Variants in PRSS38 observed in about 807,000 individuals in gnomAD.
PRSS38 encodes the protein serine protease 38, also known as marapsin 2.
In PRSS38, 22 loss-of-function variants were observed where a neutral mutation model predicts 26.8. That is an observed-to-expected ratio of 0.82 (90% CI 0.59 to 1.17). The LOEUF is 1.17. Among genes scored for constraint, PRSS38 ranks in the 50% most tolerant of loss-of-function variants. The pLI is 0.00. For missense variants in PRSS38, 427 were observed against 422.7 expected, an observed-to-expected ratio of 1.01 and a Z score of -0.09; for synonymous variants, 175 against 172.1, an observed-to-expected ratio of 1.02 and a Z score of -0.13.
In PRSS38 at chr1:227,845,556, A is replaced by G. The variant is rs754969323; in HGVS notation, c.670A>G (p.Ile224Val). 2.5e-6 allele frequency: 4 copies of G among 1,613,758 alleles called. No homozygotes were observed. Among genetic ancestry groups the G allele is most frequent in the Non-Finnish European group, 3.4e-6 (4 of 1,179,778 alleles). ...CCTGCTCTACGGACACATGTCCTAC[A>G]TCATGCCCGACATGCTGTGTGCTGG... Residue 224 changes from isoleucine to valine, a missense_variant, in exon 4 of 5, where the codon ATC becomes GTC. Ile to Val is a conservative substitution (Grantham distance 29). Coordinates refer to ENST00000366757, the Ensembl canonical transcript of PRSS38.
chr1:227,838,619 G>A (rs1489827941), intron 3 of PRSS38, among the ~76,000 whole-genome samples: 1 of 152,170 alleles, frequency 6.6e-6, no homozygotes, highest in Non-Finnish European at 1.5e-5. Context: ...TCTTAAGCAG[G>A]CTTTGAAAAA....
intron 3 of PRSS38, among the ~76,000 whole-genome samples, chr1:227,823,307 T>C (rs752405746): frequency 1.3e-5 from 2 of 151,546 alleles, no homozygotes; most frequent in Admixed American, 1.3e-4. Flanking sequence ...GTGTATGATA[T>C]ATATTATTTA....
At chr1:227,846,378 A>C (rs1362755491) in exon 5 of PRSS38, 11 of 843,548 alleles carry the variant, frequency 1.3e-5, no homozygotes, top group Admixed American at 2.9e-5. Flanking sequence ...ACAAAAGAAA[A>C]AAGGGAAGGG....
Position 227,816,038 on chromosome 1 carries a change from C to T in PRSS38, c.149-52C>T. The T allele has an allele frequency of 6.4e-7, 1 of 1,566,326 alleles. No homozygotes were observed. The highest frequency in any genetic ancestry group is 8.7e-7 in the Non-Finnish European group (1 of 1,150,464). Reference sequence around the variant, plus strand: ...TCCCCCACGTCCCCTGCCTGCCCTACCTCTCCCGTGGCCCCAGCATGGCTC... The same window carrying T: ...TCCCCCACGTCCCCTGCCTGCCCTATCTCTCCCGTGGCCCCAGCATGGCTC... On this transcript the variant is annotated intron_variant, in intron 1 of 4. Transcript: ENST00000366757. This position sits in a 1 kb window ranked among gnomAD's most constrained non-coding sequence, Gnocchi z 5.1.
chr1:227,831,784 A>C (rs1347862219), intron 3 of PRSS38, among the ~76,000 whole-genome samples: 5 of 152,142 alleles, frequency 3.3e-5, no homozygotes, highest in African/African-American at 1.2e-4. Context: ...GCTGGGTGGC[A>C]GAGGTTGCAG....
intron 3 of PRSS38, among the ~76,000 whole-genome samples, chr1:227,820,089 C>CAAAAA (rs61564441): frequency 5.8e-4 from 25 of 42,762 alleles, no homozygotes; most frequent in East Asian, 1.5e-3. Context: ...AACTCCATCT[C>CAAAAA]AAAAAAAAAA....
chr1:227,840,896 C>T (rs1665327336), intron 3 of PRSS38, among the ~76,000 whole-genome samples: 1 of 152,238 alleles, frequency 6.6e-6, no homozygotes, highest in South Asian at 2.1e-4. Flanking sequence ...AAGCCACCAT[C>T]TTCCCGACCT....
At chr1:227,839,342 T>C (rs1362613397) in intron 3 of PRSS38, among the ~76,000 whole-genome samples, 1 of 151,900 alleles carries the variant, frequency 6.6e-6, no homozygotes. Context: ...TGGAGGTGCA[T>C]ACCTGTAGTC....
chr1:227,834,987 C>CA (rs1410356684), intron 3 of PRSS38, among the ~76,000 whole-genome samples: 1 of 152,128 alleles, frequency 6.6e-6, no homozygotes. Context: ...TACAACTCAA[C>CA]AAAAAGCAAG....
intron 3 of PRSS38, among the ~76,000 whole-genome samples, chr1:227,828,877 C>A (rs1214007131): frequency 6.6e-6 from 1 of 152,142 alleles, no homozygotes; most frequent in Non-Finnish European, 1.5e-5. Context: ...CTCCACACAG[C>A]TCTGTGTAGA....
At chr1:227,838,710 T>C (rs1383043468) in intron 3 of PRSS38, among the ~76,000 whole-genome samples, 1 of 152,272 alleles carries the variant, frequency 6.6e-6, no homozygotes, top group Admixed American at 6.5e-5. Flanking sequence ...TTTTGTTTGC[T>C]TTGAGCAAGT....
intron 3 of PRSS38, among the ~76,000 whole-genome samples, chr1:227,840,981 C>G (rs958531950): frequency 6.6e-6 from 1 of 152,214 alleles, no homozygotes; most frequent in Non-Finnish European, 1.5e-5. Flanking sequence ...AAAACCAAGA[C>G]GACGTTTTTG....
intron 3 of PRSS38, 33 bp downstream of exon 3, chr1:227,817,513 A>T: frequency 6.2e-7 from 1 of 1,602,642 alleles, no homozygotes; most frequent in South Asian, 1.1e-5. Context: ...TGTGGGCAGG[A>T]TGAAGGCTTC....
chr1:227,845,607 T>C (rs931900776), exon 4 of PRSS38: 1 of 1,613,066 alleles, frequency 6.2e-7, no homozygotes, highest in African/African-American at 1.3e-5. Flanking sequence ...TAAGACCGTG[T>C]GTGAGGTGTG....
intron 3 of PRSS38, among the ~76,000 whole-genome samples, chr1:227,830,665 T>TTAG (rs1327325351): frequency 4.0e-5 from 6 of 151,282 alleles, no homozygotes; most frequent in African/African-American, 1.5e-4. Flanking sequence ...CTAATTTTTA[T>TTAG]TATTATTATT....
intron 3 of PRSS38, among the ~76,000 whole-genome samples, chr1:227,838,118 A>C (rs1468009873): frequency 6.6e-6 from 1 of 152,158 alleles, no homozygotes; most frequent in Non-Finnish European, 1.5e-5. Context: ...GATGAAGTCC[A>C]ATTTATTTTT....
At chr1:227,845,973 T>C (rs1348505689) in exon 5 of PRSS38, 4 of 1,614,046 alleles carry the variant, frequency 2.5e-6, no homozygotes, top group Admixed American at 1.7e-5. Flanking sequence ...GGGGGCCCAC[T>C]TGTCTGTGAA....
intron 4 of PRSS38, 63 bp downstream of exon 4, chr1:227,845,675 GACCC>G: frequency 6.4e-7 from 1 of 1,563,044 alleles, no homozygotes; most frequent in Non-Finnish European, 8.7e-7. Flanking sequence ...GACCCCACAG[GACCC>G]CACTCTGGCC....
chr1:227,817,339 G>A lies in PRSS38; in HGVS notation c.442G>A (p.Gly148Arg), dbSNP rs140162269. Residue 148 changes from glycine to arginine, a missense_variant, in exon 3 of 5, where the codon GGA (glycine) becomes AGA (arginine). Physicochemically the swap from Gly to Arg is moderately radical, Grantham distance 125. Transcript: ENST00000366757. ...CACATATGAGATGTACCACCCCATC[G>A]GAGGTGACGTGGCCCTGGTGCAGCT... The A allele has an allele frequency of 5.2e-5, 84 of 1,614,170 alleles. No homozygotes were observed. In the African/African-American group the frequency reaches 7.5e-4, roughly 14 times the overall value.
Sources: allele counts gnomAD v4.1 joint callset (sites outside exome capture counted in the v4.1 genomes callset), GRCh38; gene constraint gnomAD v4.1.1; non-coding constraint Gnocchi (gnomAD v3.1); transcripts MANE v1.5; gene names NCBI Gene and HGNC (gene_info 2026-07-23, HGNC 2026-07-21).